Variants in CELA3B observed in about 807,000 individuals in gnomAD.
CELA3B encodes the protein chymotrypsin like elastase 3B, also known as chymotrypsin-like elastase family member 3B.
Under a neutral mutation model 37.2 loss-of-function variants are expected in CELA3B, and 34 were observed. The observed-to-expected ratio is 0.91, with a 90% confidence interval of 0.70 to 1.22. The LOEUF (loss-of-function observed/expected upper bound fraction) is 1.22, where lower values mean the gene tolerates loss of function less well. Ranked by LOEUF, CELA3B falls within the 50% of genes most tolerant of loss-of-function variation. The pLI is 0.00. For missense variants in CELA3B, 340 were observed against 363.1 expected (o/e 0.94, Z 0.52); for synonymous variants, 127 against 143.5 (o/e 0.89, Z 0.82).
chr1:21,985,952 A>G (rs1644836433), intron 6 of CELA3B, among the ~76,000 whole-genome samples: 1 of 112,088 alleles, frequency 8.9e-6, no homozygotes, highest in East Asian at 2.3e-4. Context: ...TTAATAATTA[A>G]CTATGGTGCT....
rs1396293292 is a variant in CELA3B, at chr1:21,981,097, C to T, written c.287C>T (p.Pro96Leu). The T allele has an allele frequency of 6.2e-7, 1 of 1,613,634 alleles. No homozygotes were observed. The highest frequency in any genetic ancestry group is 8.5e-7 in the Non-Finnish European group (1 of 1,180,032). Residue 96 changes from proline (P) to leucine (L), a missense_variant, in exon 4 of 8, where the codon CCC becomes CTC. Pro to Leu is a moderately conservative substitution (Grantham distance 98). Transcript: ENST00000337107. ...GEYDRAVKEG[P>L]EQVIPINSGD... ...TACGACCGTGCTGTGAAGGAGGGCC[C>T]CGAGCAGGTGATCCCCATCAACTCT...
intron 4 of CELA3B, chr1:21,998,048 T>C (rs1220937962): frequency 4.7e-6 from 2 of 424,808 alleles, no homozygotes; most frequent in Admixed American, 2.8e-5. Flanking sequence ...ACAAAAGTTA[T>C]GCCTTCCTGT....
In CELA3B at chr1:21,996,868, C is replaced by G. The variant is rs1473979517; in HGVS notation, c.505-1283C>G. On this transcript the variant is annotated intron_variant, in intron 4 of 4. Transcript: ENST00000400277. The stretch of plus-strand genomic sequence containing the variant: ...TGGCTTCTTTGTACCACAGGTGGGG[C>G]ACCTGCAGGGCCTCCTTCCCCATCC... Among the ~76,000 whole-genome samples, 3 of 151,202 alleles carry G rather than the reference C, an allele frequency of 2.0e-5. 1 individual carries two copies. The highest frequency in any genetic ancestry group is 7.4e-5 in the African/African-American group (3 of 40,784).
chr1:21,986,852 G>A (rs572617109), intron 7 of CELA3B, 169 bp downstream of exon 7: 7 of 744,502 alleles, frequency 9.4e-6, no homozygotes, highest in East Asian at 2.7e-5. Context: ...CTGATACAGT[G>A]TGACCCCAGG....
intron 4 of CELA3B, among the ~76,000 whole-genome samples, chr1:21,983,259 G>A (rs1230340071): frequency 3.3e-5 from 5 of 152,152 alleles, no homozygotes; most frequent in Non-Finnish European, 5.9e-5. Context: ...GGAGGCTGAG[G>A]CAGGAGAATC....
chr1:21,994,517 A>G (rs1254044255), intron 4 of CELA3B, among the ~76,000 whole-genome samples: 2 of 150,642 alleles, frequency 1.3e-5, no homozygotes, highest in Non-Finnish European at 2.9e-5. Flanking sequence ...TATACTTCAA[A>G]TACTTGAGAT....
intron 7 of CELA3B, among the ~76,000 whole-genome samples, 193 bp from the exon 8 acceptor site, chr1:21,989,069 T>A (rs551241914): frequency 6.6e-6 from 1 of 152,048 alleles, no homozygotes; most frequent in East Asian, 1.9e-4. Context: ...TAGTTAACAA[T>A]TTAATCAAGA....
chr1:21,996,047 C>T (rs1237199812), intron 4 of CELA3B, among the ~76,000 whole-genome samples: 14 of 150,824 alleles, frequency 9.3e-5, no homozygotes, highest in Admixed American at 7.3e-4. Flanking sequence ...AATGAGGTCT[C>T]TACACAAATA....
In CELA3B at chr1:21,978,290, C is replaced by A; in HGVS notation, c.44-79C>A. 3 of 1,442,464 alleles carry A rather than the reference C, an allele frequency of 2.1e-6. No individual in the cohort carries two copies. The South Asian group carries it at 3.5e-5, about 17-fold the overall frequency. The allele number at this position is 1,442,464 out of a possible 1,614,324, so 89.4% of individuals were successfully genotyped here. On this transcript the variant is annotated intron_variant, in intron 1 of 7. Transcript: ENST00000337107. ...GGGGTCACACAGCCACTTGAAGGCA[C>A]GGCTTGGACTGGGACCCTGGCCTCC... is the stretch of plus-strand genomic sequence containing the variant.
chr1:21,997,625 G>A (rs1413691799), intron 4 of CELA3B, among the ~76,000 whole-genome samples: 2 of 150,636 alleles, frequency 1.3e-5, no homozygotes, highest in African/African-American at 4.9e-5. Context: ...GGAGGCGAAG[G>A]TGGCAGTGAG....
chr1:21,988,794 G>T (rs1252308711), intron 7 of CELA3B, among the ~76,000 whole-genome samples: 1 of 151,846 alleles, frequency 6.6e-6, no homozygotes, highest in Non-Finnish European at 1.5e-5. Context: ...GGAGGCTGAG[G>T]CAGGAGAATG....
intron 2 of CELA3B, among the ~76,000 whole-genome samples, chr1:21,980,411 G>A (rs1298980419): frequency 6.6e-6 from 1 of 152,144 alleles, no homozygotes; most frequent in East Asian, 1.9e-4. Context: ...CCCGGGAGGC[G>A]GAGGTTGAAA....
At chr1:21,985,832 C>T (rs7544164) in intron 6 of CELA3B, among the ~76,000 whole-genome samples, 1 of 151,734 alleles carries the variant, frequency 6.6e-6, no homozygotes, top group East Asian at 1.9e-4. Flanking sequence ...CGGAGCTTGC[C>T]GTGAGCCGAG....
At chr1:21,981,750 C>CAG (rs1457236172) in intron 4 of CELA3B, among the ~76,000 whole-genome samples, 1 of 148,874 alleles carries the variant, frequency 6.7e-6, no homozygotes, top group Non-Finnish European at 1.5e-5. Flanking sequence ...TTTTGAGATG[C>CAG]AGTCTCGCTC....
intron 4 of CELA3B, among the ~76,000 whole-genome samples, chr1:21,995,881 C>G (rs991346169): frequency 1.3e-5 from 2 of 148,524 alleles, no homozygotes; most frequent in Admixed American, 6.7e-5. Flanking sequence ...CACCTTCCCT[C>G]TCCGCAGTTT....
intron 7 of CELA3B, chr1:21,987,364 A>C (rs1217636513): frequency 5.2e-6 from 1 of 191,658 alleles, no homozygotes; most frequent in African/African-American, 2.4e-5. Context: ...GAGGCAGAGA[A>C]CTGCTTGAAC....
Position 21,984,173 on chromosome 1 carries a change from C to T in CELA3B, c.500-16C>T. ...GTGCCCCCAGACCCCTGACTCGGTG[C>T]TTTTTATCGCTGCAGCCAACGGGCC... On this transcript the variant is annotated splice_polypyrimidine_tract_variant and intron_variant, in intron 5 of 7. Transcript: ENST00000337107. The T allele has an allele frequency of 1.2e-6, 2 of 1,610,244 alleles. No individual in the cohort carries two copies. The highest frequency in any genetic ancestry group is 1.1e-5 in the South Asian group (1 of 90,394).
chr1:21,978,338 C>T (rs143312313), intron 1 of CELA3B, 31 bp from the exon 2 acceptor site: 17 of 1,596,744 alleles, frequency 1.1e-5, no homozygotes, highest in East Asian at 4.5e-5. Context: ...GGGACCCTCC[C>T]GCTGATTGAC....
chr1:21,998,112 G>A (rs1467691460), intron 4 of CELA3B: 3 of 469,462 alleles, frequency 6.4e-6, no homozygotes, highest in Non-Finnish European at 1.3e-5. Flanking sequence ...GTATTTTAAA[G>A]TTCCAACAGC....
Sources: allele counts gnomAD v4.1 joint callset (sites outside exome capture counted in the v4.1 genomes callset), GRCh38; gene constraint gnomAD v4.1.1; transcripts MANE v1.5; gene names NCBI Gene and HGNC (gene_info 2026-07-23, HGNC 2026-07-21).